RPH3AL: variants seen among roughly 807,000 people sequenced by gnomAD.
RPH3AL encodes rabphilin 3A like (without C2 domains), also known as rab effector Noc2.
Under a neutral mutation model 43.1 loss-of-function variants are expected in RPH3AL, and 38 were observed. That is an observed-to-expected ratio of 0.88 (90% CI 0.68 to 1.15). The LOEUF (loss-of-function observed/expected upper bound fraction) is 1.15, where lower values mean the gene tolerates loss of function less well. RPH3AL is among the 50% of genes most tolerant of loss of function. The pLI is 0.00. For synonymous variants in RPH3AL, 189 were observed against 176.3 expected (o/e 1.07, Z -0.57); for missense variants, 462 against 423.2 (o/e 1.09, Z -0.81).
chr17:282,976 A>C (rs1027733567), intron 5 of RPH3AL, among the ~76,000 whole-genome samples: 2 of 152,252 alleles, frequency 1.3e-5, no homozygotes, highest in Admixed American at 1.3e-4. Context: ...CTGAAGGCAC[A>C]GCAACAAGGC....
chr17:222,876 T>C (rs2041024369), intron 7 of RPH3AL, among the ~76,000 whole-genome samples: 1 of 152,214 alleles, frequency 6.6e-6, no homozygotes, highest in Non-Finnish European at 1.5e-5. Context: ...TATATTTTTA[T>C]AAAGCAAGTT....
chr17:256,089 T>G (rs1462483295), intron 6 of RPH3AL, among the ~76,000 whole-genome samples: 1 of 20,340 alleles, frequency 4.9e-5, no homozygotes, highest in African/African-American at 1.3e-4. Context: ...CCTAGGAACG[T>G]GACTACCCTA....
At chr17:301,359 A>C (rs1424593472) in intron 5 of RPH3AL, among the ~76,000 whole-genome samples, 1 of 152,164 alleles carries the variant, frequency 6.6e-6, no homozygotes, top group South Asian at 2.1e-4. Context: ...GCTAGAGTGC[A>C]GTGGCGGGAG....
intron 2 of RPH3AL, among the ~76,000 whole-genome samples, chr17:330,020 T>A (rs182716216): frequency 1.3e-3 from 196 of 152,372 alleles, no homozygotes; most frequent in Admixed American, 3.9e-3. Flanking sequence ...ACTATTCTTA[T>A]GGAAACACTT....
chr17:317,379 C>T (rs1434880703), intron 5 of RPH3AL, among the ~76,000 whole-genome samples: 1 of 151,174 alleles, frequency 6.6e-6, no homozygotes, highest in South Asian at 2.1e-4. Context: ...GACCTGTAGT[C>T]CCTGTGGCCC....
intron 6 of RPH3AL, among the ~76,000 whole-genome samples, chr17:255,928 G>A (rs1454490758): frequency 1.4e-4 from 5 of 36,332 alleles, no homozygotes; most frequent in African/African-American, 2.6e-4. Context: ...GCCGCACGGC[G>A]TCTGTCCTTT....
At chr17:275,153 C>A (rs1208600483) in intron 6 of RPH3AL, among the ~76,000 whole-genome samples, 2 of 151,608 alleles carry the variant, frequency 1.3e-5, no homozygotes, top group African/African-American at 4.9e-5. Context: ...AACCCTCAGG[C>A]CTAAAATCTG....
intron 7 of RPH3AL, among the ~76,000 whole-genome samples, chr17:238,936 T>C (rs1218640093): frequency 6.6e-6 from 1 of 152,136 alleles, no homozygotes; most frequent in African/African-American, 2.4e-5. Flanking sequence ...TGCTGTCATA[T>C]ATGAGCAATG....
In RPH3AL at chr17:214,070, C is replaced by T. The variant is rs567208529; in HGVS notation, c.877-147G>A. On this transcript the variant is annotated intron_variant, in intron 9 of 9. Coordinates refer to ENST00000331302, the MANE Select transcript of RPH3AL (RefSeq NM_006987.4). ...CAGCATCCGTGCCTCAGCCCGAGCT[C>T]GAGACCAGCACCGCTCTGCTCTGCT... The T allele has an allele frequency of 1.1e-4, 69 of 642,350 alleles. 1 individual carries two copies. In the Middle Eastern group the frequency reaches 1.3e-3, roughly 12 times the overall value. The allele number at this position is 642,350 out of a possible 1,614,324, so 39.8% of individuals were successfully genotyped here. A position where few individuals can be genotyped will look rare whatever the true frequency, so the allele number is the denominator to read the frequency against.
At chr17:227,704 G>A (rs186966966) in intron 7 of RPH3AL, among the ~76,000 whole-genome samples, 2 of 152,264 alleles carry the variant, frequency 1.3e-5, no homozygotes, top group East Asian at 1.9e-4. Flanking sequence ...ATTGCCGCCC[G>A]GCACAAGGAC....
chr17:290,282 T>C lies in RPH3AL; in HGVS notation c.352-8428A>G, dbSNP rs964715809. ...CAGGGAGAGCCACACAGCGGGCAAG[T>C]GTCCGAGGAGGTGGGGTGGTGGCCA... On this transcript the variant is annotated intron_variant, in intron 5 of 9. Transcript: ENST00000331302. The surrounding 1 kb of genome is among the most constrained non-coding windows in gnomAD (Gnocchi z 4.2). 6.6e-6 allele frequency among the ~76,000 whole-genome samples: 1 copy of C among 151,902 alleles called. No individual in the cohort carries two copies. Among genetic ancestry groups the C allele is most frequent in the African/African-American group, 2.4e-5 (1 of 41,334 alleles).
chr17:285,891 C>CTAGCGCTCCA (rs2042895522), intron 5 of RPH3AL, among the ~76,000 whole-genome samples: 2 of 152,204 alleles, frequency 1.3e-5, no homozygotes, highest in Non-Finnish European at 2.9e-5. Flanking sequence ...GCGCTCACCT[C>CTAGCGCTCCA]CCCTGCGATT....
intron 6 of RPH3AL, among the ~76,000 whole-genome samples, chr17:252,165 G>A (rs1597939196): frequency 6.6e-6 from 1 of 151,798 alleles, no homozygotes; most frequent in African/African-American, 2.4e-5. Context: ...TGTAGAGATG[G>A]GGTTTTACCA....
chr17:270,441 C>T lies in RPH3AL; in HGVS notation c.438+11327G>A, dbSNP rs577464186. On this transcript the variant is annotated intron_variant, in intron 6 of 9. Transcript: ENST00000331302. ...GCTGGCTGCGGAGTTTGGGAGCCCCCGATGATCCTGACCTTCCGTAGGCCT... is the reference window on the plus strand; with the variant it reads ...GCTGGCTGCGGAGTTTGGGAGCCCCTGATGATCCTGACCTTCCGTAGGCCT... Among the ~76,000 whole-genome samples, 298 of 152,260 alleles carry T rather than the reference C, an allele frequency of 2.0e-3. 2 individuals are homozygous for T. Among genetic ancestry groups the T allele is most frequent in the Middle Eastern group, 3.4e-3 (1 of 294 alleles).
chr17:244,105 T>A (rs2041677525), intron 7 of RPH3AL, among the ~76,000 whole-genome samples: 1 of 149,680 alleles, frequency 6.7e-6, no homozygotes, highest in South Asian at 2.1e-4. Context: ...TCTCTATTGA[T>A]TACCCCTCTA....
Position 328,856 on chromosome 17 carries a change from C to T in RPH3AL, c.-36-1277G>A, listed in dbSNP as rs1052511639. On this transcript the variant is annotated intron_variant, in intron 2 of 9. Coordinates refer to ENST00000331302, the MANE Select transcript of RPH3AL (RefSeq NM_006987.4). The surrounding 1 kb of genome is among the most constrained non-coding windows in gnomAD (Gnocchi z 4.2). The stretch of plus-strand genomic sequence containing the variant: ...CTACAACATGGATGAATCTTTAAAA[C>T]ATCCTAAGTAAGAAAAGCCAGTCAT... 6.6e-6 allele frequency among the ~76,000 whole-genome samples: 1 copy of T among 152,156 alleles called. No individual in the cohort carries two copies. Among genetic ancestry groups the T allele is most frequent in the African/African-American group, 2.4e-5 (1 of 41,428 alleles).
At chr17:340,083 C>A (rs1598163836) in intron 1 of RPH3AL, among the ~76,000 whole-genome samples, 1 of 152,158 alleles carries the variant, frequency 6.6e-6, no homozygotes, top group East Asian at 1.9e-4. Context: ...AGACCCACTG[C>A]CTGAACCAGG....
chr17:221,923 C>T (rs1476113308), intron 7 of RPH3AL, among the ~76,000 whole-genome samples: 1 of 97,924 alleles, frequency 1.0e-5, no homozygotes, highest in Admixed American at 9.8e-5. Context: ...CTCACTGAGA[C>T]AGTAGACCCA....
intron 6 of RPH3AL, among the ~76,000 whole-genome samples, chr17:271,958 C>A (rs1181692615): frequency 1.3e-5 from 2 of 152,168 alleles, no homozygotes. Context: ...TAAGAACAGA[C>A]ACTTCTCAAA....
Sources: allele counts gnomAD v4.1 joint callset (sites outside exome capture counted in the v4.1 genomes callset), GRCh38; gene constraint gnomAD v4.1.1; non-coding constraint Gnocchi (gnomAD v3.1); transcripts MANE v1.5; gene names NCBI Gene and HGNC (gene_info 2026-07-23, HGNC 2026-07-21).